GRIN2B: variants seen among roughly 807,000 people sequenced by gnomAD.
GRIN2B encodes the protein glutamate receptor ionotropic, NMDA 2B.
GRIN2B carries 5 observed loss-of-function variants against 114.5 expected under a neutral mutation model. That is an observed-to-expected ratio of 0.04 (90% CI 0.02 to 0.09). The LOEUF (loss-of-function observed/expected upper bound fraction) is 0.09, where lower values mean the gene tolerates loss of function less well. Among genes scored for constraint, GRIN2B ranks in the 10% least tolerant of loss-of-function variants. The pLI is 1.00. For synonymous variants in GRIN2B, 787 were observed against 745.1 expected (o/e 1.06, Z -0.92); for missense variants, 1,108 against 1,943.5 (o/e 0.57, Z 8.08).
chr12:13,625,889 C>T (rs943162084), intron 5 of GRIN2B, among the ~76,000 whole-genome samples: 1 of 152,130 alleles, frequency 6.6e-6, no homozygotes, highest in East Asian at 1.9e-4. Flanking sequence ...GGACAAGATG[C>T]CATTTTAGAA....
At chr12:13,817,782 T>A (rs761147501) in intron 3 of GRIN2B, among the ~76,000 whole-genome samples, 5 of 152,148 alleles carry the variant, frequency 3.3e-5, no homozygotes, top group Non-Finnish European at 7.3e-5. Context: ...TCAGGAATGG[T>A]TCTTCTGGGT....
chr12:13,768,879 A>G (rs929063930), intron 3 of GRIN2B, among the ~76,000 whole-genome samples: 8 of 152,086 alleles, frequency 5.3e-5, no homozygotes, highest in African/African-American at 7.2e-5. Flanking sequence ...CTAAAAATAC[A>G]AAAAATTAGC....
At chr12:13,967,388 T>A (rs1167042726) in intron 2 of GRIN2B, among the ~76,000 whole-genome samples, 1 of 152,212 alleles carries the variant, frequency 6.6e-6, no homozygotes, top group East Asian at 1.9e-4. Context: ...GAGTGTGAAC[T>A]TGAGCCAAAA....
At chr12:13,874,767 A>G (rs1865969827) in intron 2 of GRIN2B, among the ~76,000 whole-genome samples, 1 of 152,150 alleles carries the variant, frequency 6.6e-6, no homozygotes, top group South Asian at 2.1e-4. Flanking sequence ...AAATGAGCAG[A>G]TGATAAAAGG....
intron 4 of GRIN2B, among the ~76,000 whole-genome samples, chr12:13,741,695 C>T (rs1863290508): frequency 6.6e-6 from 1 of 152,124 alleles, no homozygotes; most frequent in Non-Finnish European, 1.5e-5. Flanking sequence ...GCTGGGACTA[C>T]AGGTGCATGC....
intron 10 of GRIN2B, among the ~76,000 whole-genome samples, chr12:13,581,645 C>T (rs1358898233): frequency 1.3e-5 from 2 of 152,158 alleles, no homozygotes; most frequent in African/African-American, 4.8e-5. Flanking sequence ...CATGGTGGCT[C>T]ACACCTATAA....
At chr12:13,911,279 T>A (rs1306619924) in intron 2 of GRIN2B, among the ~76,000 whole-genome samples, 1 of 152,028 alleles carries the variant, frequency 6.6e-6, no homozygotes, top group African/African-American at 2.4e-5. Flanking sequence ...AATGATGACA[T>A]AGGTGCTTCA....
At chr12:13,843,956 A>G (rs1206539388) in intron 3 of GRIN2B, among the ~76,000 whole-genome samples, 1 of 152,214 alleles carries the variant, frequency 6.6e-6, no homozygotes, top group African/African-American at 2.4e-5. Context: ...TTTAGCCTAC[A>G]TTCAACAGCT....
chr12:13,603,922 G>T (rs111520089), intron 10 of GRIN2B, among the ~76,000 whole-genome samples: 3,643 of 151,996 alleles, frequency 0.024, 65 homozygotes, highest in South Asian at 0.047. Context: ...GTTCCTATTT[G>T]TAAAATGAGA....
chr12:13,613,953 C>A (rs1805485), intron 8 of GRIN2B, among the ~76,000 whole-genome samples: 51,752 of 140,976 alleles, frequency 0.37, 10,422 homozygotes, highest in East Asian at 0.82. Context: ...GCTATACTGA[C>A]AAGGTTAGAA....
intron 3 of GRIN2B, among the ~76,000 whole-genome samples, chr12:13,847,201 T>C (rs974408787): frequency 1.3e-5 from 2 of 152,212 alleles, no homozygotes; most frequent in Non-Finnish European, 2.9e-5. Context: ...ACAAAATGTT[T>C]AATCTAAAAA....
intron 3 of GRIN2B, among the ~76,000 whole-genome samples, chr12:13,809,085 A>C (rs1864677220): frequency 6.6e-6 from 1 of 152,148 alleles, no homozygotes; most frequent in Non-Finnish European, 1.5e-5. Flanking sequence ...TGTCCTGTGC[A>C]TTGTAAGATG....
At chr12:13,616,682 C>A in intron 5 of GRIN2B, 25 bp from the exon 6 acceptor site, 1 of 1,560,518 alleles carries the variant, frequency 6.4e-7, no homozygotes, top group South Asian at 1.1e-5. Context: ...ACACAAGAAT[C>A]AGAAACCACT....
intron 5 of GRIN2B, among the ~76,000 whole-genome samples, chr12:13,661,016 AT>A (rs1949917432): frequency 6.6e-6 from 1 of 152,150 alleles, no homozygotes; most frequent in Non-Finnish European, 1.5e-5. Flanking sequence ...CCATTCTTAC[AT>A]TTAAGATGCA....
intron 5 of GRIN2B, among the ~76,000 whole-genome samples, chr12:13,671,259 G>T (rs891085777): frequency 6.6e-6 from 1 of 152,120 alleles, no homozygotes; most frequent in Admixed American, 6.6e-5. Flanking sequence ...ATGTTTGACT[G>T]TAAAACCTCT....
chr12:13,685,014 C>A (rs1408646522), intron 4 of GRIN2B, among the ~76,000 whole-genome samples: 15 of 152,164 alleles, frequency 9.9e-5, no homozygotes, highest in Non-Finnish European at 8.8e-5. Context: ...TTCCTGTGAA[C>A]TTTCAGGCCT....
intron 4 of GRIN2B, among the ~76,000 whole-genome samples, chr12:13,720,448 G>A (rs150962460): frequency 6.5e-4 from 99 of 152,160 alleles, no homozygotes; most frequent in East Asian, 1.7e-3. Context: ...TTAATTCAGC[G>A]GCAGATTTAT....
intron 2 of GRIN2B, among the ~76,000 whole-genome samples, chr12:13,941,380 A>G (rs952754212): frequency 5.3e-5 from 8 of 152,194 alleles, no homozygotes; most frequent in African/African-American, 1.9e-4. Flanking sequence ...CATATGCATG[A>G]TAAGGCTGAG....
At chr12:13,856,059 G>A (rs545595772) in intron 3 of GRIN2B, among the ~76,000 whole-genome samples, 44 of 152,292 alleles carry the variant, frequency 2.9e-4, no homozygotes, top group African/African-American at 1.0e-3. Context: ...TGACGCACAA[G>A]AAAAGAAATG....
Sources: gnomAD v4.1 joint callset for allele counts (sites outside exome capture counted in the v4.1 genomes callset) on GRCh38, gnomAD v4.1.1 for gene constraint, MANE v1.5 for transcripts, NCBI Gene and HGNC (gene_info 2026-07-23, HGNC 2026-07-21) for gene names.